The following IL23R variants were observed in gnomAD, a reference collection of about 807,000 sequenced individuals.
IL23R encodes interleukin-23 receptor.
A neutral mutation model predicts 56.9 loss-of-function variants in IL23R; 34 were observed. That is an observed-to-expected ratio of 0.60 (90% CI 0.45 to 0.80). The LOEUF (loss-of-function observed/expected upper bound fraction) is 0.80, where lower values mean the gene tolerates loss of function less well. Ranked by LOEUF, IL23R falls within the 30% of genes least tolerant of loss-of-function variation. The pLI, the probability that IL23R is intolerant of heterozygous loss-of-function variation, is 0.00. For synonymous variants in IL23R, 230 were observed against 249.2 expected (o/e 0.92, Z 0.73); for missense variants, 635 against 730.0 (o/e 0.87, Z 1.50).
At chr1:67,193,386 T>A (rs1327375948) in intron 4 of IL23R, among the ~76,000 whole-genome samples, 1 of 152,264 alleles carries the variant, frequency 6.6e-6, no homozygotes, top group Non-Finnish European at 1.5e-5. Context: ...TTATCTGTTT[T>A]GTTCATTGTA....
intron 1 of IL23R, among the ~76,000 whole-genome samples, chr1:67,142,847 C>T (rs1646650485): frequency 6.6e-6 from 1 of 152,176 alleles, no homozygotes; most frequent in Non-Finnish European, 1.5e-5. Context: ...GGATTATAGG[C>T]ATGAGCCACT....
At chr1:67,228,002 C>T (rs1570890207) in intron 7 of IL23R, among the ~76,000 whole-genome samples, 1 of 106,218 alleles carries the variant, frequency 9.4e-6, no homozygotes, top group East Asian at 2.2e-4. Context: ...TTCTTTCTTT[C>T]TTTCTTTCTT....
In IL23R at chr1:67,169,328, C is replaced by T; in HGVS notation, c.71-14C>T. On this transcript the variant is annotated splice_polypyrimidine_tract_variant and intron_variant, in intron 2 of 10. Transcript: ENST00000347310. Reference sequence around the variant, plus strand: ...GTTTTACGTGTAATTTATTATTTTTCCATTTATTTCTAGGAATTACAAATA... The same window carrying T: ...GTTTTACGTGTAATTTATTATTTTTTCATTTATTTCTAGGAATTACAAATA... 1 of 1,582,352 alleles carries T rather than the reference C, an allele frequency of 6.3e-7. No individual in the cohort carries two copies. Among genetic ancestry groups the T allele is most frequent in the Non-Finnish European group, 8.7e-7 (1 of 1,155,898 alleles).
chr1:67,155,684 A>G (rs1453682793), intron 1 of IL23R, among the ~76,000 whole-genome samples: 1 of 152,150 alleles, frequency 6.6e-6, no homozygotes, highest in Admixed American at 6.5e-5. Flanking sequence ...CCTAGTTAGC[A>G]GCTCCTGTAA....
At chr1:67,233,248 C>A (rs1651226627) in intron 7 of IL23R, among the ~76,000 whole-genome samples, 1 of 145,894 alleles carries the variant, frequency 6.9e-6, no homozygotes, top group African/African-American at 2.5e-5. Flanking sequence ...CTCCTGTAAT[C>A]CCAGCTACTT....
At chr1:67,262,722 T>G (rs976678766), downstream of IL23R, among the ~76,000 whole-genome samples, 2 of 152,124 alleles carry the variant, frequency 1.3e-5, no homozygotes, top group African/African-American at 4.8e-5. Flanking sequence ...TTATTAACTT[T>G]CTTTCTCTGA....
chr1:67,186,403 T>C (rs1004997730), intron 4 of IL23R, among the ~76,000 whole-genome samples: 3 of 152,092 alleles, frequency 2.0e-5, no homozygotes, highest in Non-Finnish European at 4.4e-5. Flanking sequence ...TATCATTCCT[T>C]GAGTTTTAGC....
chr1:67,206,884 C>G, intron 5 of IL23R, 26 bp from the exon 6 acceptor site: 1 of 1,188,942 alleles, frequency 8.4e-7, no homozygotes, highest in Non-Finnish European at 1.1e-6. Flanking sequence ...ACAGCCAGGT[C>G]TTTTTTTTTT....
chr1:67,250,389 A>G (rs1652533000), intron 9 of IL23R, among the ~76,000 whole-genome samples: 1 of 152,116 alleles, frequency 6.6e-6, no homozygotes, highest in South Asian at 2.1e-4. Context: ...TTCTTATATA[A>G]AATCTATTTT....
chr1:67,251,789 C>G (rs1214185592), intron 9 of IL23R, among the ~76,000 whole-genome samples: 1 of 152,182 alleles, frequency 6.6e-6, no homozygotes, highest in Non-Finnish European at 1.5e-5. Context: ...ACTTTAGCTA[C>G]TGAGCTACAG....
chr1:67,198,550 A>C (rs1648356076), intron 4 of IL23R, among the ~76,000 whole-genome samples: 1 of 152,116 alleles, frequency 6.6e-6, no homozygotes, highest in South Asian at 2.1e-4. Context: ...CCCTGTTCTA[A>C]ACTAGATCTT....
intron 1 of IL23R, among the ~76,000 whole-genome samples, chr1:67,146,092 T>C (rs1440725221): frequency 6.6e-6 from 1 of 152,188 alleles, no homozygotes; most frequent in East Asian, 1.9e-4. Context: ...TCCCAGGCCT[T>C]TGAATGAGCC....
intron 3 of IL23R, among the ~76,000 whole-genome samples, chr1:67,181,976 T>C (rs1647150858): frequency 6.6e-6 from 1 of 152,198 alleles, no homozygotes; most frequent in African/African-American, 2.4e-5. Context: ...TGTTGCTGCC[T>C]GATTGTTCCT....
At chr1:67,143,770 T>C (rs1042593948) in intron 1 of IL23R, among the ~76,000 whole-genome samples, 26 of 152,206 alleles carry the variant, frequency 1.7e-4, no homozygotes, top group Admixed American at 1.6e-3. Context: ...TCTATGAAGC[T>C]GTAGGTGACC....
At chr1:67,250,621 A>G (rs1010746815) in intron 9 of IL23R, among the ~76,000 whole-genome samples, 15 of 152,234 alleles carry the variant, frequency 9.9e-5, no homozygotes, top group Admixed American at 2.0e-4. Flanking sequence ...TTTATTTCCC[A>G]AAGATTACTA....
chr1:67,247,583 C>T (rs1233698807), intron 9 of IL23R, among the ~76,000 whole-genome samples: 3 of 152,128 alleles, frequency 2.0e-5, no homozygotes, highest in Non-Finnish European at 2.9e-5. Flanking sequence ...GGATTACAGG[C>T]ATGAGCCACC....
In IL23R at chr1:67,207,173, T is replaced by C. The variant is rs761952494; in HGVS notation, c.798+118T>C. 1.1e-5 allele frequency: 13 copies of C among 1,131,958 alleles called. 1 individual carries two copies. In the South Asian group the frequency reaches 1.6e-4, roughly 14 times the overall value. 70.1% of individuals were successfully genotyped at this position (1,131,958 alleles called of 1,614,324 possible). On this transcript the variant is annotated intron_variant, in intron 6 of 10. Transcript: ENST00000347310. ...CATGTTTTTAATCTGATTGTTTGCA[T>C]GATATTCAAGCCACTTTAGTTTTTG... is the stretch of plus-strand genomic sequence containing the variant.
In IL23R at chr1:67,186,181, C is replaced by A. The variant is rs145897516; in HGVS notation, c.491+3222C>A. Among the ~76,000 whole-genome samples, 549 of 152,280 alleles carry A rather than the reference C, an allele frequency of 3.6e-3. 1 individual carries two copies. The highest frequency in any genetic ancestry group is 6.8e-3 in the Middle Eastern group (2 of 294). On this transcript the variant is annotated intron_variant, in intron 4 of 10. Coordinates refer to ENST00000347310, the MANE Select transcript of IL23R (RefSeq NM_144701.3). ...AAGGTGAGGGCAGTATGGCAGCAAA[C>A]TTTGCACTTCAAGCACACAGAAAAA...
At chr1:67,233,854 T>TG (rs551470124) in intron 7 of IL23R, among the ~76,000 whole-genome samples, 1 of 132,866 alleles carries the variant, frequency 7.5e-6, no homozygotes, top group Non-Finnish European at 1.7e-5. Context: ...ATCATGAGGT[T>TG]TTTTTTTTTT....
Sources: gnomAD v4.1 joint callset for allele counts (sites outside exome capture counted in the v4.1 genomes callset) on GRCh38, gnomAD v4.1.1 for gene constraint, MANE v1.5 for transcripts, NCBI Gene and HGNC (gene_info 2026-07-23, HGNC 2026-07-21) for gene names.